CDK5RAP2: variants seen among roughly 807,000 people sequenced by gnomAD.
The protein encoded by CDK5RAP2 is CDK5 regulatory subunit associated protein 2, also known as CDK5 regulatory subunit-associated protein 2.
In CDK5RAP2, 147 loss-of-function variants were observed where a neutral mutation model predicts 232.9. The ratio of observed to expected loss-of-function variants is 0.63; its 90% CI spans 0.55 to 0.72. The LOEUF is 0.72. Ranked by LOEUF, CDK5RAP2 falls within the 30% of genes least tolerant of loss-of-function variation. CDK5RAP2 has a pLI of 0.00. For synonymous variants in CDK5RAP2, 833 were observed against 833.7 expected (o/e 1.00, Z 0.01); for missense variants, 2,195 against 2,231.5 (o/e 0.98, Z 0.33).
intron 32 of CDK5RAP2, 93 bp downstream of exon 32, chr9:120,406,919 C>CT: frequency 1.0e-6 from 1 of 963,596 alleles, no homozygotes; most frequent in South Asian, 1.4e-5. Flanking sequence ...AAAGACACCT[C>CT]TGTGGGGCAA....
In CDK5RAP2 at chr9:120,533,797, T is replaced by TAAA. The variant is rs147527299; in HGVS notation, c.662+2572_662+2574dup. On this transcript the variant is annotated intron_variant, in intron 7 of 37. Transcript: ENST00000349780. Reference sequence around the variant, plus strand: ...TGGAGGACAGAGTTAAGACTCCATCTAAAAAAAAAAAAAAAAAAAAAAAAA... The same window carrying TAAA: ...TGGAGGACAGAGTTAAGACTCCATCTAAAAAAAAAAAAAAAAAAAAAAAAAAAA... Among the ~76,000 whole-genome samples the TAAA allele has an allele frequency of 9.5e-5, 5 of 52,738 alleles. No homozygotes were observed. The South Asian group carries it at 2.3e-3, about 24-fold the overall frequency. The allele number at this position is 52,738 out of a possible 152,430, so 34.6% of individuals were successfully genotyped here.
chr9:120,516,930 A>C (rs1564325695), intron 12 of CDK5RAP2, among the ~76,000 whole-genome samples: 1 of 152,246 alleles, frequency 6.6e-6, no homozygotes. Context: ...TCCTTATGTC[A>C]AAAGATGTTC....
chr9:120,526,126 C>G (rs1030782302), intron 10 of CDK5RAP2, among the ~76,000 whole-genome samples: 1 of 152,202 alleles, frequency 6.6e-6, no homozygotes, highest in African/African-American at 2.4e-5. Context: ...TCTATACTCT[C>G]CTTAGATAAG....
chr9:120,470,889 A>C (rs1181514294), intron 16 of CDK5RAP2, among the ~76,000 whole-genome samples: 1 of 152,202 alleles, frequency 6.6e-6, no homozygotes, highest in African/African-American at 2.4e-5. Context: ...CACGTGTAAG[A>C]GCTGATACAT....
At chr9:120,481,931 C>G (rs959087484) in intron 14 of CDK5RAP2, among the ~76,000 whole-genome samples, 1 of 152,204 alleles carries the variant, frequency 6.6e-6, no homozygotes, top group African/African-American at 2.4e-5. Context: ...CGGCTTGAGG[C>G]AAACACTTGA....
chr9:120,525,845 T>C (rs951860989), intron 10 of CDK5RAP2, among the ~76,000 whole-genome samples: 8 of 152,160 alleles, frequency 5.3e-5, no homozygotes, highest in Non-Finnish European at 1.0e-4. Context: ...CTCAAATTCC[T>C]GGCCTCAAGC....
intron 18 of CDK5RAP2, among the ~76,000 whole-genome samples, chr9:120,464,178 C>A (rs571975941): frequency 6.6e-6 from 1 of 152,174 alleles, no homozygotes; most frequent in East Asian, 1.9e-4. Context: ...TGTTACTCTG[C>A]ACTCTACTGC....
chr9:120,396,617 T>C (rs1461043649), intron 35 of CDK5RAP2, among the ~76,000 whole-genome samples: 1 of 152,226 alleles, frequency 6.6e-6, no homozygotes, highest in Non-Finnish European at 1.5e-5. Flanking sequence ...CTGGAGTGAC[T>C]GGTCCTTTAC....
chr9:120,432,738 T>G (rs1454238522), intron 25 of CDK5RAP2, among the ~76,000 whole-genome samples: 1 of 152,016 alleles, frequency 6.6e-6, no homozygotes, highest in African/African-American at 2.4e-5. Context: ...TGTGTCAAGG[T>G]AAATAACTAA....
At chr9:120,508,089 G>A (rs1438777290) in intron 12 of CDK5RAP2, among the ~76,000 whole-genome samples, 1 of 151,872 alleles carries the variant, frequency 6.6e-6, no homozygotes, top group East Asian at 1.9e-4. Flanking sequence ...GCCAGATGGA[G>A]AATGAGAAGG....
intron 19 of CDK5RAP2, among the ~76,000 whole-genome samples, chr9:120,459,779 T>G (rs978203563): frequency 5.9e-5 from 9 of 152,166 alleles, no homozygotes; most frequent in African/African-American, 2.2e-4. Flanking sequence ...GCCCCCACTT[T>G]TAATTACTTT....
chr9:120,542,649 A>G (rs2041684062), intron 5 of CDK5RAP2, among the ~76,000 whole-genome samples: 1 of 152,248 alleles, frequency 6.6e-6, no homozygotes, highest in African/African-American at 2.4e-5. Context: ...ACTAGAAGTC[A>G]GGGACTAAAG....
intron 18 of CDK5RAP2, among the ~76,000 whole-genome samples, chr9:120,466,858 C>G (rs1012206807): frequency 4.6e-5 from 7 of 152,198 alleles, no homozygotes; most frequent in African/African-American, 1.7e-4. Context: ...AATGTGAGTT[C>G]TCCATTTACC....
At chr9:120,469,148 A>G (rs186498794) in intron 17 of CDK5RAP2, among the ~76,000 whole-genome samples, 2 of 152,108 alleles carry the variant, frequency 1.3e-5, no homozygotes, top group Admixed American at 1.3e-4. Context: ...AAAATACCCA[A>G]ATTTTTATTC....
At chr9:120,457,253 T>C (rs1241386714) in intron 20 of CDK5RAP2, among the ~76,000 whole-genome samples, 3 of 152,128 alleles carry the variant, frequency 2.0e-5, no homozygotes, top group Non-Finnish European at 4.4e-5. Context: ...GGGGCTGAAA[T>C]GCTTCCGTTG....
chr9:120,533,797 TA>T (rs147527299), intron 7 of CDK5RAP2, among the ~76,000 whole-genome samples: 5,686 of 52,720 alleles, frequency 0.11, 142 homozygotes, highest in African/African-American at 0.12. Context: ...AGACTCCATC[TA>T]AAAAAAAAAA....
chr9:120,437,770 T>C (rs767704310), intron 24 of CDK5RAP2, among the ~76,000 whole-genome samples: 1 of 152,170 alleles, frequency 6.6e-6, no homozygotes, highest in Non-Finnish European at 1.5e-5. Flanking sequence ...CCAATTAAAG[T>C]ACAGATTGGC....
chr9:120,491,650 G>C (rs1166289621), intron 12 of CDK5RAP2, among the ~76,000 whole-genome samples, 173 bp from the exon 13 acceptor site: 1 of 152,044 alleles, frequency 6.6e-6, no homozygotes, highest in East Asian at 1.9e-4. Context: ...ACCACTATAA[G>C]AATAATCTGA....
intron 31 of CDK5RAP2, 172 bp from the exon 32 acceptor site, chr9:120,407,420 T>C: frequency 1.5e-6 from 1 of 653,118 alleles, no homozygotes; most frequent in Non-Finnish European, 2.8e-6. Flanking sequence ...ATTGGCAGAC[T>C]TAATTGCTGC....
Sources: allele counts gnomAD v4.1 joint callset (sites outside exome capture counted in the v4.1 genomes callset), GRCh38; gene constraint gnomAD v4.1.1; transcripts MANE v1.5; gene names NCBI Gene and HGNC (gene_info 2026-07-23, HGNC 2026-07-21).